Variants in STRN observed in about 807,000 individuals in gnomAD.
STRN encodes the protein protein phosphatase 2 regulatory subunit B'''alpha.
STRN carries 53 observed loss-of-function variants against 96.3 expected under a neutral mutation model. The ratio of observed to expected loss-of-function variants is 0.55; its 90% CI spans 0.44 to 0.69. The LOEUF (loss-of-function observed/expected upper bound fraction) is 0.69. Ranked by LOEUF, STRN falls within the 30% of genes least tolerant of loss-of-function variation. The probability of loss-of-function intolerance (pLI) is 0.00; values close to 1 mark genes in which losing one functional copy is unlikely to be tolerated. For missense variants in STRN, 987 were observed against 963.9 expected, an observed-to-expected ratio of 1.02 and a Z score of -0.32; for synonymous variants, 428 against 355.9, an observed-to-expected ratio of 1.20 and a Z score of -2.28.
At chr2:36,868,425 A>T (rs1276829193) in intron 11 of STRN, among the ~76,000 whole-genome samples, 1 of 152,214 alleles carries the variant, frequency 6.6e-6, no homozygotes, top group African/African-American at 2.4e-5. Flanking sequence ...GAGACTGTCC[A>T]AATTATCAGT....
At chr2:36,863,710 T>C (rs1481694217) in intron 12 of STRN, among the ~76,000 whole-genome samples, 3 of 152,264 alleles carry the variant, frequency 2.0e-5, no homozygotes, top group Non-Finnish European at 2.9e-5. Context: ...CATTGGTAGT[T>C]TGATAGGAAT....
rs972221952 is a variant in STRN at position 36,915,583 on chromosome 2, C to A, written c.412+495G>T. On this transcript the variant is annotated intron_variant, in intron 3 of 17. Coordinates refer to ENST00000263918, the MANE Select transcript of STRN (RefSeq NM_003162.4). ...AATGGTTCAGCTGTTAAAACATGTT[C>A]TAGTTACAGAAACTCCTGTGGACAA... Among the ~76,000 whole-genome samples, 3 of 152,188 alleles carry A rather than the reference C, an allele frequency of 2.0e-5. No homozygotes were observed. In the East Asian group the frequency reaches 5.8e-4, roughly 29 times the overall value.
At chr2:36,923,817 A>T (rs1335241227) in intron 2 of STRN, among the ~76,000 whole-genome samples, 2 of 152,200 alleles carry the variant, frequency 1.3e-5, no homozygotes, top group Non-Finnish European at 2.9e-5. Context: ...TTCCAATATC[A>T]CCTATAAGTA....
intron 2 of STRN, among the ~76,000 whole-genome samples, chr2:36,917,003 T>G (rs556111406): frequency 6.6e-6 from 1 of 151,028 alleles, no homozygotes; most frequent in East Asian, 1.9e-4. Context: ...ATTCAATGTG[T>G]TAAGACTGGG....
At chr2:36,889,248 T>C (rs1009318457) in intron 7 of STRN, among the ~76,000 whole-genome samples, 3 of 152,200 alleles carry the variant, frequency 2.0e-5, no homozygotes, top group African/African-American at 7.2e-5. Flanking sequence ...AATCTGTTTT[T>C]AATAATTTGA....
intron 7 of STRN, among the ~76,000 whole-genome samples, chr2:36,890,768 G>A (rs1669375940): frequency 1.3e-5 from 2 of 152,144 alleles, no homozygotes; most frequent in African/African-American, 4.8e-5. Context: ...ACAGGCGTGA[G>A]CCACTGCGCC....
chr2:36,944,108 G>A (rs1162245927), intron 1 of STRN, among the ~76,000 whole-genome samples: 2 of 152,056 alleles, frequency 1.3e-5, no homozygotes, highest in African/African-American at 2.4e-5. Flanking sequence ...CAACAAGAGT[G>A]AAACGCTATC....
chr2:36,884,740 AT>A (rs765166986), intron 8 of STRN, among the ~76,000 whole-genome samples: 17 of 152,136 alleles, frequency 1.1e-4, no homozygotes, highest in Non-Finnish European at 1.9e-4. Flanking sequence ...AGATGGTATG[AT>A]TGGAGTACAG....
chr2:36,865,932 G>C (rs1668610780), intron 12 of STRN, among the ~76,000 whole-genome samples: 1 of 151,938 alleles, frequency 6.6e-6, no homozygotes, highest in Non-Finnish European at 1.5e-5. Context: ...CAGAGATTCT[G>C]GTATGTTGTA....
chr2:36,931,332 A>C (rs1325117617), intron 1 of STRN, among the ~76,000 whole-genome samples: 1 of 152,212 alleles, frequency 6.6e-6, no homozygotes, highest in African/African-American at 2.4e-5. Context: ...CCTACTTCCC[A>C]TCAAGTCTAA....
Position 36,904,846 on chromosome 2 carries a change from A to ATGAC in STRN, c.491+693_491+694insGTCA, listed in dbSNP as rs1409659897. Among the ~76,000 whole-genome samples the ATGAC allele has an allele frequency of 2.0e-5, 3 of 152,174 alleles. No homozygotes were observed. The South Asian group carries it at 6.2e-4, about 32-fold the overall frequency. On this transcript the variant is annotated intron_variant, in intron 4 of 17. Transcript: ENST00000263918. The stretch of plus-strand genomic sequence containing the variant: ...CCATCTCAAATGAATGACTGAATGA[A>ATGAC]TGAATGAATGAATGAATGAAATATA...
intron 14 of STRN, among the ~76,000 whole-genome samples, chr2:36,855,763 G>C (rs1342628675): frequency 6.6e-6 from 1 of 152,012 alleles, no homozygotes; most frequent in Non-Finnish European, 1.5e-5. Context: ...AAATTAAAAA[G>C]TAAAATTTAA....
chr2:36,861,854 C>T (rs1164892190), intron 12 of STRN, among the ~76,000 whole-genome samples: 1 of 152,044 alleles, frequency 6.6e-6, no homozygotes, highest in Non-Finnish European at 1.5e-5. Context: ...GTTTGCTGTA[C>T]ATATTATTCC....
chr2:36,966,197 G>A (rs1224171564), intron 1 of STRN, 33 bp downstream of exon 1: 27 of 1,513,086 alleles, frequency 1.8e-5, no homozygotes, highest in Non-Finnish European at 2.3e-5. Context: ...CAAAGAGGCG[G>A]GATGAAGACG....
In STRN at chr2:36,939,377, C is replaced by T. The variant is rs115561301; in HGVS notation, c.235-14169G>A. ...CCTTATCTCAGATACATTAATTAGA[C>T]GTGATGATAATATCTAGCTTTCCCA... On this transcript the variant is annotated intron_variant, in intron 1 of 17. Coordinates refer to ENST00000263918, the MANE Select transcript of STRN (RefSeq NM_003162.4). Among the ~76,000 whole-genome samples, 311 of 152,100 alleles carry T rather than the reference C, an allele frequency of 2.0e-3. 1 individual carries two copies. The highest frequency in any genetic ancestry group is 7.0e-3 in the African/African-American group (292 of 41,482).
intron 6 of STRN, among the ~76,000 whole-genome samples, chr2:36,895,479 GACAA>G (rs1009312779): frequency 5.9e-5 from 9 of 152,164 alleles, no homozygotes; most frequent in Middle Eastern, 3.4e-3. Context: ...AAATCTATTA[GACAA>G]ACAAACAAAA....
In STRN at chr2:36,849,107, A is replaced by T. The variant is rs1416988381; in HGVS notation, c.*349T>A. The stretch of plus-strand genomic sequence containing the variant: ...TTCAGTCCCAGCTATCAAGCTTTTA[A>T]ATTATCCATTGTAGCATGCCCTACT... On this transcript the variant is annotated 3_prime_UTR_variant, in exon 18 of 18. Coordinates refer to ENST00000263918, the MANE Select transcript of STRN (RefSeq NM_003162.4). 5.1e-6 allele frequency: 1 copy of T among 195,760 alleles called. No homozygotes were observed. Among genetic ancestry groups the T allele is most frequent in the Admixed American group, 5.3e-5 (1 of 18,904 alleles). 12.1% of individuals were successfully genotyped at this position (195,760 alleles called of 1,614,324 possible).
intron 8 of STRN, among the ~76,000 whole-genome samples, chr2:36,885,687 T>TA (rs538420411): frequency 6.6e-6 from 1 of 152,260 alleles, no homozygotes; most frequent in South Asian, 2.1e-4. Context: ...TTTTAAGTAA[T>TA]AAAGTTTAAA....
Position 36,839,164 on chromosome 2 carries a change from G to GT in STRN, c.*10291dup, listed in dbSNP as rs1572611333. ...TTGCCATTATGAATCTTTATGCATTGTTTTTTGCATTTAAATTCATTTCTG... is the reference window on the plus strand; with the variant it reads ...TTGCCATTATGAATCTTTATGCATTGTTTTTTTGCATTTAAATTCATTTCTG... On this transcript the variant is annotated 3_prime_UTR_variant, in exon 18 of 18. Transcript: ENST00000263918. Among the ~76,000 whole-genome samples the GT allele has an allele frequency of 6.6e-6, 1 of 152,122 alleles. No individual in the cohort carries two copies. Among genetic ancestry groups the GT allele is most frequent in the East Asian group, 1.9e-4 (1 of 5,206 alleles).
Sources: allele counts gnomAD v4.1 joint callset (sites outside exome capture counted in the v4.1 genomes callset), GRCh38; gene constraint gnomAD v4.1.1; transcripts MANE v1.5; gene names NCBI Gene and HGNC (gene_info 2026-07-23, HGNC 2026-07-21).